Variants in SOX5 observed in about 807,000 individuals in gnomAD.
SOX5 encodes SRY-box transcription factor 5.
SOX5 carries 9 observed loss-of-function variants against 92.0 expected under a neutral mutation model. The ratio of observed to expected loss-of-function variants is 0.10; its 90% CI spans 0.06 to 0.17. SOX5 has a LOEUF of 0.17. Among genes scored for constraint, SOX5 ranks in the 10% least tolerant of loss-of-function variants. The pLI, the probability that SOX5 is intolerant of heterozygous loss-of-function variation, is 1.00. For synonymous variants in SOX5, 344 were observed against 336.3 expected, an observed-to-expected ratio of 1.02 and a Z score of -0.25; for missense variants, 642 against 944.5, an observed-to-expected ratio of 0.68 and a Z score of 4.20.
At chr12:23,911,088 T>G (rs879258269) in intron 1 of SOX5, among the ~76,000 whole-genome samples, 1 of 152,030 alleles carries the variant, frequency 6.6e-6, no homozygotes, top group Non-Finnish European at 1.5e-5. Flanking sequence ...TAATGTCATA[T>G]TCAAATCATA....
At chr12:24,349,491 C>T (rs1036781590) in intron 2 of SOX5, among the ~76,000 whole-genome samples, 2 of 152,194 alleles carry the variant, frequency 1.3e-5, no homozygotes, top group South Asian at 2.1e-4. Context: ...ATTTTGACTG[C>T]TTTAGGTACC....
intron 1 of SOX5, among the ~76,000 whole-genome samples, chr12:24,526,788 A>G (rs970189154): frequency 6.6e-6 from 1 of 151,824 alleles, no homozygotes; most frequent in African/African-American, 2.4e-5. Context: ...ACATTATGCT[A>G]TTTAGTCTTC....
chr12:24,351,069 A>G (rs1565962728), intron 2 of SOX5, among the ~76,000 whole-genome samples: 1 of 152,056 alleles, frequency 6.6e-6, no homozygotes, highest in Non-Finnish European at 1.5e-5. Context: ...ATCTCAAAAA[A>G]GAAAAGAAAA....
intron 4 of SOX5, among the ~76,000 whole-genome samples, chr12:23,971,085 T>C (rs1370074043): frequency 6.8e-6 from 1 of 146,476 alleles, no homozygotes; most frequent in African/African-American, 2.5e-5. Context: ...TATTATTTAG[T>C]AGTAGTACAG....
chr12:24,409,896 C>T (rs1165023004), intron 1 of SOX5, among the ~76,000 whole-genome samples: 2 of 152,008 alleles, frequency 1.3e-5, no homozygotes, highest in African/African-American at 4.8e-5. Context: ...GACACTAGTA[C>T]TTTGTCAGAT....
chr12:23,664,958 A>G (rs2083573080), intron 7 of SOX5, among the ~76,000 whole-genome samples: 1 of 152,160 alleles, frequency 6.6e-6, no homozygotes, highest in Admixed American at 6.6e-5. Context: ...ACTTCACAAT[A>G]TGAAGGAGAG....
At chr12:23,642,218 A>AAG (rs1431302867) in intron 7 of SOX5, among the ~76,000 whole-genome samples, 1 of 152,086 alleles carries the variant, frequency 6.6e-6, no homozygotes, top group East Asian at 1.9e-4. Flanking sequence ...TTTTATTCTA[A>AAG]AGAGAGTCTC....
chr12:24,553,562 A>G (rs1420022246), intron 1 of SOX5, among the ~76,000 whole-genome samples: 1 of 152,220 alleles, frequency 6.6e-6, no homozygotes, highest in Non-Finnish European at 1.5e-5. Context: ...ACTACAATTC[A>G]ATGCCCTCAG....
chr12:24,508,773 G>A (rs1949038153), intron 1 of SOX5, among the ~76,000 whole-genome samples: 1 of 152,184 alleles, frequency 6.6e-6, no homozygotes, highest in Non-Finnish European at 1.5e-5. Context: ...GCAAAGAACA[G>A]TGGGCTAAGG....
At chr12:24,267,726 A>T (rs1408867423) in intron 3 of SOX5, among the ~76,000 whole-genome samples, 1 of 152,196 alleles carries the variant, frequency 6.6e-6, no homozygotes, top group Admixed American at 6.5e-5. Context: ...TATTATGTTA[A>T]AGGCTTTTAG....
chr12:24,470,945 C>T (rs1023793337), intron 1 of SOX5, among the ~76,000 whole-genome samples: 5 of 152,060 alleles, frequency 3.3e-5, no homozygotes, highest in African/African-American at 9.7e-5. Context: ...TAAATGGTAG[C>T]GATTGTTATT....
chr12:24,303,513 T>C (rs1158223626), intron 2 of SOX5, among the ~76,000 whole-genome samples: 1 of 152,224 alleles, frequency 6.6e-6, no homozygotes, highest in Non-Finnish European at 1.5e-5. Flanking sequence ...ATAGGTATTT[T>C]TAAGTTTAGA....
At chr12:24,226,755 G>A (rs1962111421) in intron 3 of SOX5, among the ~76,000 whole-genome samples, 1 of 152,186 alleles carries the variant, frequency 6.6e-6, no homozygotes, top group South Asian at 2.1e-4. Context: ...ACAGGCGTGA[G>A]CCACCACGCC....
chr12:23,778,331 G>A (rs2095171606), intron 3 of SOX5, among the ~76,000 whole-genome samples: 1 of 152,166 alleles, frequency 6.6e-6, no homozygotes, highest in African/African-American at 2.4e-5. Context: ...CATGAATGTG[G>A]AAGGTCTACA....
intron 3 of SOX5, among the ~76,000 whole-genome samples, chr12:24,265,015 G>A (rs553467558): frequency 4.6e-5 from 7 of 152,322 alleles, no homozygotes; most frequent in South Asian, 2.1e-4. Flanking sequence ...CCGAAAGCCT[G>A]CTGTCTCCAG....
intron 3 of SOX5, among the ~76,000 whole-genome samples, chr12:24,258,703 C>G (rs976746447): frequency 4.6e-5 from 7 of 152,104 alleles, no homozygotes; most frequent in Admixed American, 3.9e-4. Flanking sequence ...GAGCTATTTC[C>G]TATATCATCT....
chr12:23,954,715 G>C (rs890122368), upstream of SOX5, among the ~76,000 whole-genome samples: 2 of 151,868 alleles, frequency 1.3e-5, no homozygotes, highest in Admixed American at 6.6e-5. Flanking sequence ...ACAAATTCAA[G>C]GTTTTTCTAA....
chr12:24,373,241 A>G (rs1056716596), intron 1 of SOX5, among the ~76,000 whole-genome samples: 1 of 152,216 alleles, frequency 6.6e-6, no homozygotes, highest in Non-Finnish European at 1.5e-5. Flanking sequence ...ATATGTTTAG[A>G]ATATGTTCCT....
chr12:24,414,904 C>A (rs1386668086), intron 1 of SOX5, among the ~76,000 whole-genome samples: 2 of 152,108 alleles, frequency 1.3e-5, no homozygotes, highest in African/African-American at 4.8e-5. Context: ...AGAATTTCTA[C>A]TCCAAATCCC....
Sources: gnomAD v4.1 joint callset for allele counts (sites outside exome capture counted in the v4.1 genomes callset) on GRCh38, gnomAD v4.1.1 for gene constraint, MANE v1.5 for transcripts, NCBI Gene and HGNC (gene_info 2026-07-23, HGNC 2026-07-21) for gene names.